Variants in BCL2L11 observed in about 807,000 individuals in gnomAD.
The protein encoded by BCL2L11 is bcl-2-like protein 11.
In BCL2L11, 15 loss-of-function variants were observed where a neutral mutation model predicts 20.6. The observed-to-expected ratio is 0.73, with a 90% CI of 0.49 to 1.12. The LOEUF is 1.12. Ranked by LOEUF, BCL2L11 falls within the 50% of genes most tolerant of loss-of-function variation. The pLI is 0.00. For synonymous variants in BCL2L11, 108 were observed against 92.8 expected (o/e 1.16, Z -0.94); for missense variants, 292 against 260.9 (o/e 1.12, Z -0.82).
At chr2:111,149,633 A>G (rs2077004428) in intron 2 of BCL2L11, among the ~76,000 whole-genome samples, 1 of 152,170 alleles carries the variant, frequency 6.6e-6, no homozygotes, top group Admixed American at 6.5e-5. Context: ...ATATAGGAAT[A>G]TTTGCCTTGT....
chr2:111,152,622 T>C (rs1190329791), intron 3 of BCL2L11, among the ~76,000 whole-genome samples: 2 of 152,164 alleles, frequency 1.3e-5, no homozygotes, highest in African/African-American at 4.8e-5. Flanking sequence ...GCCATCCTCT[T>C]GTGAAGGCTG....
intron 3 of BCL2L11, among the ~76,000 whole-genome samples, chr2:111,153,192 A>G (rs2077448124): frequency 1.3e-5 from 2 of 152,072 alleles, no homozygotes; most frequent in South Asian, 4.1e-4. Context: ...AGCCTGGCTA[A>G]GATGGTGAAG....
chr2:111,152,952 A>C (rs979288041), intron 3 of BCL2L11, among the ~76,000 whole-genome samples: 4 of 152,254 alleles, frequency 2.6e-5, no homozygotes, highest in African/African-American at 9.6e-5. Flanking sequence ...GCAAAAATAC[A>C]GTCACAAATC....
At chr2:111,123,095 C>T in intron 1 of BCL2L11, 3 of 977,150 alleles carry the variant, frequency 3.1e-6, no homozygotes, top group Non-Finnish European at 3.6e-6. Context: ...CGGTGTGCAC[C>T]TCAGAGAAGT....
At chr2:111,123,492 C>T (rs2071712691) in intron 1 of BCL2L11, 1 of 985,440 alleles carries the variant, frequency 1.0e-6, no homozygotes, top group Non-Finnish European at 1.2e-6. Context: ...GTGTGTGCAC[C>T]AGTTCCGCAA....
intron 2 of BCL2L11, among the ~76,000 whole-genome samples, chr2:111,141,227 C>A (rs578050474): frequency 6.6e-6 from 1 of 151,820 alleles, no homozygotes; most frequent in African/African-American, 2.4e-5. Flanking sequence ...ATGTTTATTG[C>A]GGCATTATTC....
Position 111,160,272 on chromosome 2 carries a change from A to G in BCL2L11, c.499-3861A>G, listed in dbSNP as rs569331605. On this transcript the variant is annotated intron_variant, in intron 3 of 3. Coordinates refer to ENST00000393256, the MANE Select transcript of BCL2L11 (RefSeq NM_138621.5). ...TGGCTCCCCCACTTCCTCTCTGGCC[A>G]GTGGTTTTTTTCCCTCTCATTTTAT... 2.0e-5 allele frequency among the ~76,000 whole-genome samples: 3 copies of G among 152,234 alleles called. No homozygotes were observed. The South Asian group carries it at 6.2e-4, about 32-fold the overall frequency.
chr2:111,125,232 A>G (rs932343661), intron 2 of BCL2L11, among the ~76,000 whole-genome samples: 1 of 152,242 alleles, frequency 6.6e-6, no homozygotes, highest in Non-Finnish European at 1.5e-5. Context: ...AAAACATTGT[A>G]CAAGCTGAAA....
At position 111,123,849 on chromosome 2, in the gene BCL2L11, C is replaced by G. The variant is rs979302636; in HGVS notation, c.104C>G (p.Ser35Cys). The G allele has an allele frequency of 2.5e-6, 4 of 1,585,642 alleles. No individual in the cohort carries two copies. Among genetic ancestry groups the G allele is most frequent in the Middle Eastern group, 1.7e-4 (1 of 5,904 alleles). The change falls in exon 2 of 4, where the codon TCC (serine) becomes TGC (cysteine). Residue 35 changes from serine to cysteine, a missense_variant. By Grantham distance (112) the Ser-to-Cys change is moderately radical. Transcript: ENST00000393256. The part of the protein sequence containing the change: ...PPQLRPGAPT[S>C]LQTEPQGNPE... ...CAGCTCAGACCTGGGGCCCCTACCT[C>G]CCTACAGACAGAGCCACAAGGTAAT...
chr2:111,123,594 G>A (rs1278369529), intron 1 of BCL2L11, 139 bp from the exon 2 acceptor site: 4 of 1,220,434 alleles, frequency 3.3e-6, no homozygotes, highest in Non-Finnish European at 4.1e-6. Context: ...TTTTTTATTT[G>A]GGAGATTGTC....
Position 111,124,181 on chromosome 2 carries a change from T to C in BCL2L11, c.394+42T>C, listed in dbSNP as rs766503749. ...TAAGAGGCAGTTGACGTGTGGATGG[T>C]TGAATCTGCTTGAAGGCTGTGTGTG... On this transcript the variant is annotated intron_variant, in intron 2 of 3. Transcript: ENST00000393256. The C allele has an allele frequency of 7.8e-6, 12 of 1,537,720 alleles. No homozygotes were observed. The Admixed American group carries it at 2.3e-4, about 30-fold the overall frequency.
chr2:111,142,528 C>A, intron 2 of BCL2L11: 1 of 683,504 alleles, frequency 1.5e-6, no homozygotes, highest in Non-Finnish European at 2.5e-6. Flanking sequence ...AATTGTACTT[C>A]ACTTTGTATA....
At chr2:111,122,680 C>A in intron 1 of BCL2L11, 2 of 982,816 alleles carry the variant, frequency 2.0e-6, no homozygotes, top group Non-Finnish European at 2.4e-6. Context: ...GCGGCCGGGG[C>A]AGCGCGGGCC....
At chr2:111,123,333 A>G (rs1006652411) in intron 1 of BCL2L11, 5 of 985,388 alleles carry the variant, frequency 5.1e-6, no homozygotes, top group African/African-American at 3.5e-5. Flanking sequence ...CAATCGCTGC[A>G]TCTGCGCCCG....
intron 1 of BCL2L11, chr2:111,122,753 G>T: frequency 1.0e-6 from 1 of 985,430 alleles, no homozygotes; most frequent in Non-Finnish European, 1.2e-6. Context: ...TGGCGGGAAG[G>T]CGCGGGCTTT....
chr2:111,156,139 C>T (rs1038586609), intron 3 of BCL2L11, among the ~76,000 whole-genome samples: 1 of 134,492 alleles, frequency 7.4e-6, no homozygotes, highest in Non-Finnish European at 1.6e-5. Context: ...GGTAATTGCA[C>T]AAACTGAACA....
chr2:111,122,740 G>T (rs1366257259), intron 1 of BCL2L11: 4 of 984,292 alleles, frequency 4.1e-6, no homozygotes, highest in Non-Finnish European at 4.8e-6. Flanking sequence ...CGCGGCGGCG[G>T]GCTGGCGGGA....
chr2:111,132,656 T>G (rs866238741), intron 2 of BCL2L11, among the ~76,000 whole-genome samples: 2 of 152,246 alleles, frequency 1.3e-5, no homozygotes, highest in African/African-American at 4.8e-5. Flanking sequence ...ATTAGACTTT[T>G]AGAAGCCTCC....
At chr2:111,151,992 T>A in intron 3 of BCL2L11, 1 of 1,061,034 alleles carries the variant, frequency 9.4e-7, no homozygotes, top group Non-Finnish European at 1.4e-6. Context: ...GATTTTGGTG[T>A]TCCTGTGTGT....
Sources: allele counts gnomAD v4.1 joint callset (sites outside exome capture counted in the v4.1 genomes callset), GRCh38; gene constraint gnomAD v4.1.1; transcripts MANE v1.5; gene names NCBI Gene and HGNC (gene_info 2026-07-23, HGNC 2026-07-21).